FER: variants seen among roughly 807,000 people sequenced by gnomAD.
FER encodes the protein FER tyrosine kinase.
Under a neutral mutation model 111.0 loss-of-function variants are expected in FER, and 63 were observed. The ratio of observed to expected loss-of-function variants is 0.57; its 90% CI spans 0.46 to 0.70. The LOEUF is 0.70. FER is among the 30% of genes least tolerant of loss of function. The pLI is 0.00. For synonymous variants in FER, 327 were observed against 313.9 expected (o/e 1.04, Z -0.44); for missense variants, 914 against 954.0 (o/e 0.96, Z 0.55).
At chr5:108,952,486 G>A (rs767868181) in intron 11 of FER, among the ~76,000 whole-genome samples, 4 of 151,794 alleles carry the variant, frequency 2.6e-5, no homozygotes, top group Non-Finnish European at 5.9e-5. Flanking sequence ...GTATATACAT[G>A]TGTATATACA....
intron 3 of FER, among the ~76,000 whole-genome samples, chr5:108,825,866 C>G (rs145971314): frequency 5.1e-4 from 78 of 152,318 alleles, no homozygotes; most frequent in African/African-American, 1.8e-3. Flanking sequence ...TCCCGCAACA[C>G]AAGATCCTGT....
chr5:109,190,401 A>G lies in FER; in HGVS notation c.*2826A>G, dbSNP rs1293202298. 2 of 152,064 alleles carry G rather than the reference A, an allele frequency of 1.3e-5. No individual in the cohort carries two copies. Among genetic ancestry groups the G allele is most frequent in the Non-Finnish European group, 2.9e-5 (2 of 68,018 alleles). The allele number at this position is 152,064 out of a possible 1,614,324, so 9.4% of individuals were successfully genotyped here. A position where few individuals can be genotyped will look rare whatever the true frequency, so the allele number is the denominator to read the frequency against. Reference sequence around the variant, plus strand: ...TTCTTACTACTGCATAGTTCCTCTCATAAGTCCTTAAATTTATTAAAAGGG... The same window carrying G: ...TTCTTACTACTGCATAGTTCCTCTCGTAAGTCCTTAAATTTATTAAAAGGG... On this transcript the variant is annotated 3_prime_UTR_variant, in exon 20 of 20. Coordinates refer to ENST00000281092, the MANE Select transcript of FER (RefSeq NM_005246.4).
chr5:108,950,150 G>A (rs1299253384), intron 11 of FER, among the ~76,000 whole-genome samples: 1 of 152,048 alleles, frequency 6.6e-6, no homozygotes, highest in African/African-American at 2.4e-5. Context: ...GGTACAAAAA[G>A]GCCAGGAAAT....
At chr5:108,963,462 T>C (rs937147423) in intron 13 of FER, among the ~76,000 whole-genome samples, 6 of 152,150 alleles carry the variant, frequency 3.9e-5, no homozygotes, top group Non-Finnish European at 7.3e-5. Context: ...CTTGGGGGGC[T>C]GAGGCAGGAG....
chr5:108,862,256 G>A (rs1264181594), intron 5 of FER, among the ~76,000 whole-genome samples: 2 of 152,140 alleles, frequency 1.3e-5, no homozygotes, highest in Non-Finnish European at 1.5e-5. Flanking sequence ...ACTTCAGGCT[G>A]TTTGTCATAT....
At chr5:109,068,578 T>A (rs1775401836) in intron 16 of FER, among the ~76,000 whole-genome samples, 2 of 152,346 alleles carry the variant, frequency 1.3e-5, no homozygotes, top group African/African-American at 4.8e-5. Context: ...TACCTGGAAG[T>A]GACTTTTGCC....
intron 17 of FER, among the ~76,000 whole-genome samples, chr5:109,174,805 C>T (rs1219146389): frequency 6.6e-6 from 1 of 152,108 alleles, no homozygotes; most frequent in Non-Finnish European, 1.5e-5. Flanking sequence ...AGGTGTGTGT[C>T]ATTTGATTAC....
At chr5:108,953,903 A>T (rs1177610139) in intron 11 of FER, among the ~76,000 whole-genome samples, 2 of 152,216 alleles carry the variant, frequency 1.3e-5, no homozygotes, top group South Asian at 2.1e-4. Context: ...AACAACAACA[A>T]CATCAACAAG....
intron 13 of FER, among the ~76,000 whole-genome samples, chr5:109,025,614 C>T (rs1250866302): frequency 2.0e-5 from 3 of 148,068 alleles, no homozygotes; most frequent in African/African-American, 7.4e-5. Context: ...CCCTTTATTT[C>T]CTTCTCCTGC....
At chr5:108,803,795 T>C (rs992745240) in intron 3 of FER, among the ~76,000 whole-genome samples, 1 of 152,194 alleles carries the variant, frequency 6.6e-6, no homozygotes, top group African/African-American at 2.4e-5. Flanking sequence ...TCTCTTTACT[T>C]AGGACTGCTT....
chr5:109,181,320 G>T (rs1202212259), intron 18 of FER, among the ~76,000 whole-genome samples: 1 of 152,104 alleles, frequency 6.6e-6, no homozygotes, highest in African/African-American at 2.4e-5. Flanking sequence ...AAATCGACAT[G>T]GTTTCTTAGC....
intron 17 of FER, among the ~76,000 whole-genome samples, chr5:109,102,086 G>C (rs1046711224): frequency 1.3e-5 from 2 of 151,954 alleles, no homozygotes; most frequent in Non-Finnish European, 2.9e-5. Flanking sequence ...TTAAAAAATG[G>C]GTCACTGTAT....
At chr5:108,889,979 G>A (rs537411572) in intron 9 of FER, among the ~76,000 whole-genome samples, 9 of 152,012 alleles carry the variant, frequency 5.9e-5, no homozygotes, top group African/African-American at 1.9e-4. Flanking sequence ...TCCCTCAATG[G>A]TAGCATCTTG....
rs192294270 is a variant in FER, at chr5:108,861,660, G to A, written c.482-6107G>A. Among the ~76,000 whole-genome samples, 322 of 152,188 alleles carry A rather than the reference G, an allele frequency of 2.1e-3. 3 individuals are homozygous for A. Among genetic ancestry groups the A allele is most frequent in the African/African-American group, 7.1e-3 (294 of 41,524 alleles). ...AATTTTTTCATTCTATGTACTTCACGTTAATTTTAAGAGCATATGCATTTA... is the reference window on the plus strand; with the variant it reads ...AATTTTTTCATTCTATGTACTTCACATTAATTTTAAGAGCATATGCATTTA... On this transcript the variant is annotated intron_variant, in intron 5 of 19. Transcript: ENST00000281092.
At chr5:109,053,161 G>A (rs1483867804) in intron 16 of FER, among the ~76,000 whole-genome samples, 1 of 152,054 alleles carries the variant, frequency 6.6e-6, no homozygotes, top group Non-Finnish European at 1.5e-5. Flanking sequence ...CAGGGTGGGT[G>A]GATCATGAGG....
intron 5 of FER, chr5:108,842,820 G>A (rs1197198410): frequency 6.6e-6 from 1 of 152,156 alleles, no homozygotes; most frequent in African/African-American, 2.4e-5. Context: ...AAATAGTACA[G>A]CCACTATGGA....
chr5:109,115,087 T>C (rs73779135), intron 17 of FER, among the ~76,000 whole-genome samples: 28,427 of 152,072 alleles, frequency 0.19, 2,795 homozygotes, highest in Non-Finnish European at 0.22. Flanking sequence ...TTGACTGTTA[T>C]CTTAGGAGAT....
intron 1 of FER, among the ~76,000 whole-genome samples, chr5:108,754,684 A>G (rs1750889930): frequency 6.6e-6 from 1 of 152,218 alleles, no homozygotes; most frequent in South Asian, 2.1e-4. Context: ...TTGTGACTGG[A>G]ATAACACTAA....
At chr5:108,824,114 C>G (rs1157209504) in intron 3 of FER, among the ~76,000 whole-genome samples, 1 of 151,902 alleles carries the variant, frequency 6.6e-6, no homozygotes, top group Non-Finnish European at 1.5e-5. Context: ...TTTCTGTGCT[C>G]CCTCTATTCT....
Sources: gnomAD v4.1 joint callset for allele counts (sites outside exome capture counted in the v4.1 genomes callset) on GRCh38, gnomAD v4.1.1 for gene constraint, MANE v1.5 for transcripts, NCBI Gene and HGNC (gene_info 2026-07-23, HGNC 2026-07-21) for gene names.